PHLDB2: variants seen among roughly 807,000 people sequenced by gnomAD.
PHLDB2 encodes the protein pleckstrin homology like domain family B member 2.
A neutral mutation model predicts 123.6 loss-of-function variants in PHLDB2; 71 were observed. That is an observed-to-expected ratio of 0.57 (90% CI 0.47 to 0.70). The LOEUF is 0.70. Ranked by LOEUF, PHLDB2 falls within the 30% of genes least tolerant of loss-of-function variation. PHLDB2 has a pLI of 0.00. For synonymous variants in PHLDB2, 547 were observed against 541.6 expected (o/e 1.01, Z -0.14); for missense variants, 1,446 against 1,519.5 (o/e 0.95, Z 0.80).
intron 8 of PHLDB2, among the ~76,000 whole-genome samples, chr3:111,944,279 A>G (rs2070131001): frequency 6.6e-6 from 1 of 152,184 alleles, no homozygotes; most frequent in African/African-American, 2.4e-5. Flanking sequence ...TTGGGGTGAC[A>G]GAAATGCTCT....
At chr3:111,886,543 G>GT (rs1434353516) in intron 2 of PHLDB2, among the ~76,000 whole-genome samples, 3 of 151,916 alleles carry the variant, frequency 2.0e-5, no homozygotes, top group East Asian at 3.9e-4. Flanking sequence ...GGACACCCCT[G>GT]TTGTAACCTT....
intron 1 of PHLDB2, 26 bp from the exon 2 acceptor site, chr3:111,884,038 A>G (rs947012884): frequency 1.3e-6 from 2 of 1,573,032 alleles, no homozygotes. Flanking sequence ...CTTTAAGGCA[A>G]AATTTTCTGT....
At chr3:111,794,340 T>C (rs991197217) in intron 1 of PHLDB2, among the ~76,000 whole-genome samples, 7 of 152,138 alleles carry the variant, frequency 4.6e-5, no homozygotes, top group African/African-American at 1.7e-4. Flanking sequence ...GCAGATTCTT[T>C]CTCTGGGCCA....
chr3:111,859,937 A>T, intron 1 of PHLDB2: 3 of 980,548 alleles, frequency 3.1e-6, no homozygotes, highest in Non-Finnish European at 3.6e-6. Context: ...TAGGGACAAA[A>T]GCCCGGGCTG....
At chr3:111,863,590 A>C (rs548082121) in intron 1 of PHLDB2, among the ~76,000 whole-genome samples, 41 of 152,372 alleles carry the variant, frequency 2.7e-4, no homozygotes, top group African/African-American at 9.4e-4. Flanking sequence ...AAGGAACCTT[A>C]GAAATCCTCT....
chr3:111,759,044 G>T (rs2059950104), intron 1 of PHLDB2, among the ~76,000 whole-genome samples: 1 of 151,826 alleles, frequency 6.6e-6, no homozygotes, highest in African/African-American at 2.4e-5. Context: ...GAAGAAAGGA[G>T]AAAAATGACT....
At chr3:111,945,124 A>G in intron 8 of PHLDB2, 144 bp from the exon 9 acceptor site, 1 of 642,178 alleles carries the variant, frequency 1.6e-6, no homozygotes. Flanking sequence ...TACAGATTTG[A>G]AATTTTGACT....
Position 111,949,020 on chromosome 3 carries a change from C to T in PHLDB2, c.2576C>T (p.Ala859Val), listed in dbSNP as rs141504836. The stretch of plus-strand genomic sequence containing the variant: ...ACTCAGTTTCCTGCTGATGCTGATG[C>T]TGTTGCCACTGAGCCTGCCACAGCT... ...PSTQFPADADAVATEPATAVL... is the reference protein window; with the variant it reads ...PSTQFPADADVVATEPATAVL... The change falls in exon 10 of 18, where the codon GCT (alanine) becomes GTT (valine). Residue 859 changes from alanine (A) to valine (V), a missense_variant. This residue lies in a region of PHLDB2 where 594 missense variants were observed against 646.0 expected (regional missense o/e 0.92). Transcript: ENST00000431670. 4.3e-6 allele frequency: 7 copies of T among 1,613,772 alleles called. No homozygotes were observed. Among genetic ancestry groups the T allele is most frequent in the Non-Finnish European group, 5.9e-6 (7 of 1,179,966 alleles).
intron 1 of PHLDB2, among the ~76,000 whole-genome samples, chr3:111,838,128 G>A (rs1205270248): frequency 7.2e-5 from 11 of 152,086 alleles, no homozygotes; most frequent in African/African-American, 1.9e-4. Context: ...TCTAGAGTGC[G>A]GGTAAGGTAC....
intron 1 of PHLDB2, among the ~76,000 whole-genome samples, chr3:111,780,333 A>AGAG (rs1559827212): frequency 5.5e-4 from 7 of 12,752 alleles, no homozygotes; most frequent in South Asian, 0.026. Flanking sequence ...AAGAAGAAGA[A>AGAG]GAAGAAGAAG....
chr3:111,841,677 G>GCCC (rs2108554584), intron 1 of PHLDB2, among the ~76,000 whole-genome samples: 1 of 152,322 alleles, frequency 6.6e-6, no homozygotes, highest in South Asian at 2.1e-4. Context: ...CAGGGTGTCA[G>GCCC]CTGGGCTTCT....
At chr3:111,851,646 G>C (rs1296056454) in intron 2 of PHLDB2, among the ~76,000 whole-genome samples, 1 of 152,028 alleles carries the variant, frequency 6.6e-6, no homozygotes, top group Non-Finnish European at 1.5e-5. Context: ...TTCACCCTAT[G>C]CCTATATAAT....
At chr3:111,825,779 A>T (rs762453453) in intron 1 of PHLDB2, among the ~76,000 whole-genome samples, 28 of 152,114 alleles carry the variant, frequency 1.8e-4, no homozygotes, top group Non-Finnish European at 3.5e-4. Flanking sequence ...ATAACCCTTT[A>T]AGTGCTGCAT....
At chr3:111,973,997 A>G (rs2072390597) in intron 17 of PHLDB2, among the ~76,000 whole-genome samples, 180 bp downstream of exon 17, 1 of 152,124 alleles carries the variant, frequency 6.6e-6, no homozygotes, top group Non-Finnish European at 1.5e-5. Context: ...AGGAAAAAAA[A>G]TATCATAGCA....
At chr3:111,742,006 A>C (rs2059612323) in intron 1 of PHLDB2, among the ~76,000 whole-genome samples, 1 of 152,222 alleles carries the variant, frequency 6.6e-6, no homozygotes, top group Non-Finnish European at 1.5e-5. Context: ...ATCACTGGAT[A>C]CAGCAGACTG....
chr3:111,826,197 T>C (rs895382606), intron 1 of PHLDB2, among the ~76,000 whole-genome samples: 3 of 151,940 alleles, frequency 2.0e-5, no homozygotes, highest in African/African-American at 7.3e-5. Flanking sequence ...TATTCTCAGC[T>C]ACTAGGGAGG....
At chr3:111,819,685 C>T (rs112063989) in intron 1 of PHLDB2, among the ~76,000 whole-genome samples, 394 of 152,310 alleles carry the variant, frequency 2.6e-3, no homozygotes, top group African/African-American at 9.1e-3. Context: ...ACTATGCTTC[C>T]TCTCAGAAAA....
chr3:111,759,511 C>T (rs928353697), intron 1 of PHLDB2, among the ~76,000 whole-genome samples: 1 of 152,148 alleles, frequency 6.6e-6, no homozygotes, highest in African/African-American at 2.4e-5. Flanking sequence ...TATATATTTA[C>T]ATGTATATAT....
intron 1 of PHLDB2, among the ~76,000 whole-genome samples, chr3:111,794,471 C>T (rs2061066622): frequency 1.3e-5 from 2 of 152,134 alleles, no homozygotes; most frequent in Admixed American, 6.5e-5. Context: ...GATCACTCAC[C>T]TGATTTTGGG....
Sources: gnomAD v4.1 joint callset for allele counts (sites outside exome capture counted in the v4.1 genomes callset) on GRCh38, gnomAD v4.1.1 for gene constraint, gnomAD v4.1.1 regional missense constraint, MANE v1.5 for transcripts, NCBI Gene and HGNC (gene_info 2026-07-23, HGNC 2026-07-21) for gene names.